SH3RF3: variants seen among roughly 807,000 people sequenced by gnomAD.
SH3RF3 encodes the protein SH3 domain containing ring finger 3.
A neutral mutation model predicts 66.3 loss-of-function variants in SH3RF3; 29 were observed. The ratio of observed to expected loss-of-function variants is 0.44; its 90% CI spans 0.33 to 0.60. The LOEUF is 0.60. Ranked by LOEUF, SH3RF3 falls within the 20% of genes least tolerant of loss-of-function variation. SH3RF3 has a pLI of 0.04. For missense variants in SH3RF3, 1,194 were observed against 1,190.9 expected (o/e 1.00, Z -0.04); for synonymous variants, 583 against 532.0 (o/e 1.10, Z -1.32).
At chr2:109,318,969 C>G (rs181911679) in intron 1 of SH3RF3, among the ~76,000 whole-genome samples, 1 of 152,218 alleles carries the variant, frequency 6.6e-6, no homozygotes, top group Non-Finnish European at 1.5e-5. Context: ...ATTTGTATTT[C>G]AAGTGTCTGT....
intron 2 of SH3RF3, among the ~76,000 whole-genome samples, chr2:109,367,450 T>C (rs1397848983): frequency 2.6e-5 from 4 of 152,024 alleles, no homozygotes; most frequent in Admixed American, 1.3e-4. Flanking sequence ...CCTGGCTAGT[T>C]GTTGTATTTT....
intron 4 of SH3RF3, among the ~76,000 whole-genome samples, chr2:109,402,802 C>G (rs767000731): frequency 6.6e-6 from 1 of 152,172 alleles, no homozygotes; most frequent in Non-Finnish European, 1.5e-5. Flanking sequence ...TTGTGTGTCC[C>G]AGTGCATTTA....
At chr2:109,220,906 T>G (rs1468697971) in intron 1 of SH3RF3, among the ~76,000 whole-genome samples, 2 of 152,236 alleles carry the variant, frequency 1.3e-5, no homozygotes, top group African/African-American at 2.4e-5. Flanking sequence ...AATCCAGCAG[T>G]TCTATTCCTA....
chr2:109,266,829 A>G (rs1680508298), intron 1 of SH3RF3, among the ~76,000 whole-genome samples: 1 of 152,106 alleles, frequency 6.6e-6, no homozygotes. Context: ...ACCTCATGTT[A>G]TTTAATCACC....
At chr2:109,412,030 C>G (rs1676604091) in intron 4 of SH3RF3, among the ~76,000 whole-genome samples, 1 of 152,190 alleles carries the variant, frequency 6.6e-6, no homozygotes, top group Admixed American at 6.5e-5. Context: ...CTGTCCACAC[C>G]TCAGGTTCCT....
chr2:109,376,523 G>C (rs111243437), intron 3 of SH3RF3, among the ~76,000 whole-genome samples: 4,957 of 152,274 alleles, frequency 0.033, 191 homozygotes, highest in African/African-American at 0.087. Flanking sequence ...GGCCAGGATC[G>C]TGATCCAAAA....
At chr2:109,167,711 A>G (rs1403199534) in intron 1 of SH3RF3, among the ~76,000 whole-genome samples, 1 of 152,132 alleles carries the variant, frequency 6.6e-6, no homozygotes, top group Non-Finnish European at 1.5e-5. Context: ...AGCTGGGACT[A>G]CAGACACCTG....
At chr2:109,336,882 G>T (rs1293650764) in intron 1 of SH3RF3, among the ~76,000 whole-genome samples, 2 of 152,150 alleles carry the variant, frequency 1.3e-5, no homozygotes, top group African/African-American at 4.8e-5. Context: ...GAAGAATTCT[G>T]CTCAGTTCCT....
chr2:109,481,381 C>T (rs1460780137), intron 8 of SH3RF3, among the ~76,000 whole-genome samples: 1 of 152,078 alleles, frequency 6.6e-6, no homozygotes, highest in Non-Finnish European at 1.5e-5. Flanking sequence ...TGCGGCTATG[C>T]TTCTGGCAGC....
At chr2:109,343,660 A>T (rs1366687981) in intron 1 of SH3RF3, among the ~76,000 whole-genome samples, 1 of 151,910 alleles carries the variant, frequency 6.6e-6, no homozygotes, top group African/African-American at 2.4e-5. Flanking sequence ...TGGGGCCAGC[A>T]GGTGGGTTAC....
At chr2:109,164,262 G>A (rs1202788051) in intron 1 of SH3RF3, among the ~76,000 whole-genome samples, 3 of 151,852 alleles carry the variant, frequency 2.0e-5, no homozygotes, top group Admixed American at 6.6e-5. Flanking sequence ...AACTCACTGC[G>A]GCCTCGGCCT....
At chr2:109,171,391 G>C (rs901667588) in intron 1 of SH3RF3, among the ~76,000 whole-genome samples, 9 of 152,164 alleles carry the variant, frequency 5.9e-5, no homozygotes, top group African/African-American at 2.2e-4. Context: ...TAGTGACTAT[G>C]AATATTCGGA....
chr2:109,243,107 G>A (rs1679826833), intron 1 of SH3RF3, among the ~76,000 whole-genome samples: 1 of 152,240 alleles, frequency 6.6e-6, no homozygotes, highest in African/African-American at 2.4e-5. Context: ...TGAGATGGGA[G>A]GTGTTGTCTT....
At chr2:109,149,133 C>T (rs1390832826) in intron 1 of SH3RF3, among the ~76,000 whole-genome samples, 1 of 152,172 alleles carries the variant, frequency 6.6e-6, no homozygotes, top group Non-Finnish European at 1.5e-5. Context: ...GGGAGCCAAG[C>T]TGAGACTGGC....
chr2:109,269,361 C>T (rs1416844932), intron 1 of SH3RF3, among the ~76,000 whole-genome samples: 9 of 152,242 alleles, frequency 5.9e-5, no homozygotes, highest in African/African-American at 2.2e-4. Flanking sequence ...AGCCTCCCCA[C>T]ACACCGTGTA....
intron 1 of SH3RF3, among the ~76,000 whole-genome samples, chr2:109,342,430 A>T (rs1405647127): frequency 2.6e-5 from 4 of 152,350 alleles, no homozygotes; most frequent in African/African-American, 9.6e-5. Flanking sequence ...TGAGCAAAAC[A>T]GGCGAGAATC....
chr2:109,336,766 T>C (rs1182133241), intron 1 of SH3RF3, among the ~76,000 whole-genome samples: 1 of 152,228 alleles, frequency 6.6e-6, no homozygotes, highest in African/African-American at 2.4e-5. Flanking sequence ...GCAAAGCGTT[T>C]TGTAACTAAA....
At chr2:109,475,985 T>C (rs1192083680) in intron 8 of SH3RF3, among the ~76,000 whole-genome samples, 1 of 152,244 alleles carries the variant, frequency 6.6e-6, no homozygotes, top group Non-Finnish European at 1.5e-5. Context: ...GAGCTGACTC[T>C]TCTTGCTCAG....
At chr2:109,157,052 T>C (rs140900318) in intron 1 of SH3RF3, among the ~76,000 whole-genome samples, 11 of 152,346 alleles carry the variant, frequency 7.2e-5, no homozygotes, top group African/African-American at 2.6e-4. Flanking sequence ...ATCATCTGAC[T>C]GTGGGAAGGG....
Sources: allele counts gnomAD v4.1 joint callset (sites outside exome capture counted in the v4.1 genomes callset), GRCh38; gene constraint gnomAD v4.1.1; transcripts MANE v1.5; gene names NCBI Gene and HGNC (gene_info 2026-07-23, HGNC 2026-07-21).